The following PRUNE2 variants were observed in gnomAD, a reference collection of about 807,000 sequenced individuals.
PRUNE2 encodes protein prune homolog 2.
PRUNE2 carries 164 observed loss-of-function variants against 252.0 expected under a neutral mutation model. The ratio of observed to expected loss-of-function variants is 0.65; its 90% CI spans 0.57 to 0.74. The LOEUF is 0.74. PRUNE2 is among the 30% of genes least tolerant of loss of function. The pLI is 0.00. For synonymous variants in PRUNE2, 1,292 were observed against 1,350.2 expected (o/e 0.96, Z 0.94); for missense variants, 3,495 against 3,711.0 (o/e 0.94, Z 1.51).
intron 11 of PRUNE2, among the ~76,000 whole-genome samples, chr9:76,648,478 T>G (rs1845856516): frequency 6.6e-6 from 1 of 152,174 alleles, no homozygotes; most frequent in Non-Finnish European, 1.5e-5. Flanking sequence ...TGGAATATTA[T>G]TCAGCATTAA....
chr9:76,742,623 A>AAAAG (rs1291800862), intron 6 of PRUNE2, among the ~76,000 whole-genome samples: 1 of 152,184 alleles, frequency 6.6e-6, no homozygotes, highest in Non-Finnish European at 1.5e-5. Context: ...TCTCAAAAAA[A>AAAAG]AAAGAAAGAA....
intron 11 of PRUNE2, among the ~76,000 whole-genome samples, chr9:76,649,490 G>A (rs952424099): frequency 6.6e-6 from 1 of 152,172 alleles, no homozygotes; most frequent in African/African-American, 2.4e-5. Context: ...GGAGGCTAAG[G>A]TAGGAGGGTC....
rs574645401 is a variant in PRUNE2, at chr9:76,715,599, A to G, written c.757-1878T>C. Among the ~76,000 whole-genome samples, 5 of 152,354 alleles carry G rather than the reference A, an allele frequency of 3.3e-5. No individual in the cohort carries two copies. In the East Asian group the frequency reaches 9.6e-4, roughly 29 times the overall value. On this transcript the variant is annotated intron_variant, in intron 6 of 18. Transcript: ENST00000376718. The stretch of plus-strand genomic sequence containing the variant: ...CATATAAGTCATATGCGTTTGGAAC[A>G]TATGCTTTTGGAAGTGTGTGTTCCA...
Position 76,629,855 on chromosome 9 carries a change from C to T in PRUNE2, c.9051-565G>A, listed in dbSNP as rs553204936. 4.4e-4 allele frequency among the ~76,000 whole-genome samples: 67 copies of T among 152,222 alleles called. No homozygotes were observed. In the South Asian group the frequency reaches 0.011, roughly 24 times the overall value. ...ATAAGTGAGATCATGCAGTATTTGG[C>T]CAAATGCTGTCTTAAGTGGTTTACA... is the stretch of plus-strand genomic sequence containing the variant. On this transcript the variant is annotated intron_variant, in intron 15 of 18. Coordinates refer to ENST00000376718, the MANE Select transcript of PRUNE2 (RefSeq NM_015225.3).
chr9:76,665,464 A>G (rs1398865721), intron 9 of PRUNE2, among the ~76,000 whole-genome samples: 1 of 152,042 alleles, frequency 6.6e-6, no homozygotes, highest in Non-Finnish European at 1.5e-5. Flanking sequence ...CATGTCCCAT[A>G]GCACCCTGTG....
chr9:76,630,167 CATT>C (rs907877419), intron 15 of PRUNE2, among the ~76,000 whole-genome samples: 11 of 151,446 alleles, frequency 7.3e-5, no homozygotes, highest in Admixed American at 7.2e-4. Flanking sequence ...AAAATCTTAC[CATT>C]AGTTCTTTCA....
intron 1 of PRUNE2, chr9:76,868,967 C>A (rs1021125747): frequency 6.6e-6 from 1 of 151,978 alleles, no homozygotes; most frequent in Non-Finnish European, 1.5e-5. Context: ...TGCTGCTGTG[C>A]GGCACAGCTT....
At chr9:76,877,622 C>A (rs534181465) in intron 1 of PRUNE2, among the ~76,000 whole-genome samples, 68 of 152,252 alleles carry the variant, frequency 4.5e-4, no homozygotes, top group Non-Finnish European at 8.1e-4. Context: ...AAAAGTGATC[C>A]CCCCAGCTGC....
chr9:76,862,444 C>T (rs1346346864), intron 1 of PRUNE2: 1 of 152,190 alleles, frequency 6.6e-6, no homozygotes, highest in Admixed American at 6.5e-5. Flanking sequence ...TATCCTCTGA[C>T]CTTGTGGCGT....
intron 1 of PRUNE2, among the ~76,000 whole-genome samples, chr9:76,905,325 AAC>A (rs2063422122): frequency 6.6e-6 from 1 of 152,216 alleles, no homozygotes; most frequent in African/African-American, 2.4e-5. Flanking sequence ...TAAACTCCAG[AAC>A]ACCAACAGTT....
At chr9:76,878,945 G>A (rs2061607027) in intron 1 of PRUNE2, among the ~76,000 whole-genome samples, 1 of 152,140 alleles carries the variant, frequency 6.6e-6, no homozygotes, top group Non-Finnish European at 1.5e-5. Context: ...TTGAACTAAT[G>A]ATAAAATCTT....
At position 76,709,037 on chromosome 9, in the gene PRUNE2, G is replaced by A. The variant is rs188705736; in HGVS notation, c.3237C>T (p.Tyr1079=). The A allele has an allele frequency of 3.2e-3, 5,203 of 1,613,960 alleles. 33 individuals carry two copies. Among genetic ancestry groups the A allele is most frequent in the South Asian group, 0.015 (1,336 of 91,088 alleles). The stretch of plus-strand genomic sequence containing the variant: ...ACAGTTGCATCATGCTGGGGTCGTC[G>A]TAACTGGACTGGCTGCTTTCCCCGA... ...DDVGESSQSS[Y]DDPSMMQLYN... The change falls in exon 8 of 19, where the codon TAC becomes TAT. Residue 1079 remains tyrosine (Y), a synonymous_variant. Coordinates refer to ENST00000376718, the MANE Select transcript of PRUNE2 (RefSeq NM_015225.3).
At chr9:76,881,658 G>A (rs1480390352) in intron 1 of PRUNE2, among the ~76,000 whole-genome samples, 1 of 148,068 alleles carries the variant, frequency 6.8e-6, no homozygotes, top group Non-Finnish European at 1.5e-5. Flanking sequence ...GTCTCACTCT[G>A]TCACCCAGGC....
chr9:76,814,334 G>C (rs2131798319), intron 6 of PRUNE2, among the ~76,000 whole-genome samples: 1 of 152,294 alleles, frequency 6.6e-6, no homozygotes, highest in East Asian at 1.9e-4. Flanking sequence ...GAGTCTCTTA[G>C]AAAACATGTG....
In PRUNE2 at chr9:76,612,299, A is replaced by AT. The variant is rs995670242; in HGVS notation, c.*2270_*2271insA. The AT allele has an allele frequency of 2.0e-5, 3 of 152,122 alleles. No individual in the cohort carries two copies. Among genetic ancestry groups the AT allele is most frequent in the African/African-American group, 7.2e-5 (3 of 41,422 alleles). The allele number at this position is 152,122 out of a possible 1,614,324, so 9.4% of individuals were successfully genotyped here. A position where few individuals can be genotyped will look rare whatever the true frequency, so the allele number is the denominator to read the frequency against. Reference sequence around the variant, plus strand: ...CCATAGATGAGCTGGACAAGTTAAAAATATATATATAAATGGTGAGATTGT... The same window carrying AT: ...CCATAGATGAGCTGGACAAGTTAAAATATATATATATAAATGGTGAGATTGT... On this transcript the variant is annotated 3_prime_UTR_variant, in exon 19 of 19. Coordinates refer to ENST00000376718, the MANE Select transcript of PRUNE2 (RefSeq NM_015225.3).
intron 1 of PRUNE2, among the ~76,000 whole-genome samples, chr9:76,899,292 T>C (rs969615698): frequency 4.6e-5 from 7 of 152,226 alleles, no homozygotes; most frequent in African/African-American, 1.7e-4. Flanking sequence ...TCTCCATTCA[T>C]GCTTTAGTTC....
chr9:76,903,818 C>G (rs897446539), intron 1 of PRUNE2, among the ~76,000 whole-genome samples: 1 of 152,120 alleles, frequency 6.6e-6, no homozygotes, highest in African/African-American at 2.4e-5. Flanking sequence ...GAACTCCTGA[C>G]CTCAGGTGAT....
chr9:76,868,478 G>A (rs931796585), intron 1 of PRUNE2, among the ~76,000 whole-genome samples: 1 of 152,116 alleles, frequency 6.6e-6, no homozygotes. Flanking sequence ...CCTGGACAAG[G>A]TGCATACGGG....
chr9:76,708,518 G>A lies in PRUNE2; in HGVS notation c.3756C>T (p.Ile1252=). The part of the protein sequence containing the change: ...DSEQRELPPE[I]PSHSANVKDT... Reference sequence around the variant, plus strand: ...CTTTAACATTTGCTGAATGGCTGGGGATTTCAGGAGGCAATTCCCTTTGCT... The same window carrying A: ...CTTTAACATTTGCTGAATGGCTGGGAATTTCAGGAGGCAATTCCCTTTGCT... The change falls in exon 8 of 19, where the codon ATC becomes ATT. Residue 1252 remains isoleucine, a synonymous_variant. Coordinates refer to ENST00000376718, the MANE Select transcript of PRUNE2 (RefSeq NM_015225.3). 1 of 1,613,972 alleles carries A rather than the reference G, an allele frequency of 6.2e-7. No individual in the cohort carries two copies. The highest frequency in any genetic ancestry group is 8.5e-7 in the Non-Finnish European group (1 of 1,179,886).
Sources: allele counts gnomAD v4.1 joint callset (sites outside exome capture counted in the v4.1 genomes callset), GRCh38; gene constraint gnomAD v4.1.1; transcripts MANE v1.5; gene names NCBI Gene and HGNC (gene_info 2026-07-23, HGNC 2026-07-21).